The following SUMF2 variants were observed in gnomAD, a reference collection of about 807,000 sequenced individuals.
SUMF2 encodes the protein inactive C-alpha-formylglycine-generating enzyme 2.
A neutral mutation model predicts 44.8 loss-of-function variants in SUMF2; 45 were observed. The observed-to-expected ratio is 1.00, with a 90% CI of 0.79 to 1.29. The LOEUF (loss-of-function observed/expected upper bound fraction) is 1.29. Ranked by LOEUF, SUMF2 falls within the 50% of genes most tolerant of loss-of-function variation. The pLI is 0.00. For synonymous variants in SUMF2, 148 were observed against 150.4 expected (o/e 0.98, Z 0.12); for missense variants, 418 against 389.9 (o/e 1.07, Z -0.61).
chr7:56,082,115 T>A, downstream of SUMF2: 2 of 1,611,450 alleles, frequency 1.2e-6, no homozygotes, highest in Non-Finnish European at 1.7e-6. Flanking sequence ...GCCTACTTCC[T>A]CCCTTGCCCA....
the SUMF2 span, chr7:56,086,964 A>C: frequency 1.2e-6 from 2 of 1,610,676 alleles, no homozygotes; most frequent in Non-Finnish European, 1.7e-6. Flanking sequence ...AGTGCTGGGT[A>C]CTTACAGGTC....
downstream of SUMF2, chr7:56,081,506 G>T: frequency 7.7e-7 from 1 of 1,301,982 alleles, no homozygotes; most frequent in Non-Finnish European, 1.1e-6. The surrounding 1 kb of genome is among the most constrained non-coding windows in gnomAD (Gnocchi z 4.6). Context: ...GCCATCACAG[G>T]GCAGCTGGGA....
chr7:56,083,757 C>T (rs1562878527), downstream of SUMF2: 2 of 1,334,636 alleles, frequency 1.5e-6, no homozygotes, highest in Non-Finnish European at 2.1e-6. Flanking sequence ...GTCCCAAGAC[C>T]ACCACTGCCC....
Position 56,068,529 on chromosome 7 carries a change from C to A in SUMF2, c.115C>A (p.Leu39Met), listed in dbSNP as rs1254942277. 1.2e-6 allele frequency: 2 copies of A among 1,613,752 alleles called. No homozygotes were observed. The highest frequency in any genetic ancestry group is 2.7e-5 in the African/African-American group (2 of 74,858). ...SMVQLQGGRF[L>M]MGTNSPDSRD... Reference sequence around the variant, plus strand: ...GGTCCAACTGCAGGGTGGGAGATTCCTGATGGGAACAAATTCTCCAGACAG... The same window carrying A: ...GGTCCAACTGCAGGGTGGGAGATTCATGATGGGAACAAATTCTCCAGACAG... Residue 39 changes from leucine (L) to methionine (M), a missense_variant, in exon 2 of 9, where the codon CTG becomes ATG. Coordinates refer to ENST00000434526, the MANE Select transcript of SUMF2 (RefSeq NM_015411.4).
the SUMF2 span, chr7:56,086,895 C>T: frequency 1.8e-6 from 2 of 1,125,222 alleles, no homozygotes; most frequent in Admixed American, 1.7e-5. Context: ...GGTCTCCAGG[C>T]AGCCCTGGGG....
intron 1 of SUMF2, among the ~76,000 whole-genome samples, chr7:56,066,918 C>T (rs533545579): frequency 6.6e-6 from 1 of 152,326 alleles, no homozygotes; most frequent in Admixed American, 6.5e-5. Flanking sequence ...TCGCACCTGG[C>T]CAGTCCTTTT....
At chr7:56,064,518 G>A in intron 1 of SUMF2, 140 bp downstream of exon 1, 2 of 1,231,426 alleles carry the variant, frequency 1.6e-6, no homozygotes, top group Non-Finnish European at 2.2e-6. Flanking sequence ...CTCTCGGTGC[G>A]CGTGGCGCCT....
chr7:56,069,504 C>CAT (rs1275617557), intron 2 of SUMF2, among the ~76,000 whole-genome samples: 1 of 151,804 alleles, frequency 6.6e-6, no homozygotes, highest in Non-Finnish European at 1.5e-5. Flanking sequence ...TATATAAATA[C>CAT]ATATATATAA....
At chr7:56,069,947 T>A (rs911922290) in intron 2 of SUMF2, among the ~76,000 whole-genome samples, 3 of 152,122 alleles carry the variant, frequency 2.0e-5, no homozygotes, top group African/African-American at 7.2e-5. Context: ...TTCCTCTTGT[T>A]GCCTAGGCTG....
Position 56,080,065 on chromosome 7 carries a change from C to A in SUMF2, c.*453C>A, listed in dbSNP as rs1380440355. ...GGAAGGAGAATGCTTTCTTTGTGGCCTCATCTGTGGTTTCGTGTCCCTCTG... is the reference window on the plus strand; with the variant it reads ...GGAAGGAGAATGCTTTCTTTGTGGCATCATCTGTGGTTTCGTGTCCCTCTG... On this transcript the variant is annotated 3_prime_UTR_variant, in exon 9 of 9. Transcript: ENST00000434526. 4 of 608,620 alleles carry A rather than the reference C, an allele frequency of 6.6e-6. No individual in the cohort carries two copies. The highest frequency in any genetic ancestry group is 1.9e-5 in the African/African-American group (1 of 54,020). 37.7% of individuals were successfully genotyped at this position (608,620 alleles called of 1,614,324 possible).
intron 1 of SUMF2, 71 bp from the exon 2 acceptor site, chr7:56,068,411 T>G: frequency 7.1e-6 from 10 of 1,405,854 alleles, no homozygotes; most frequent in Non-Finnish European, 9.6e-6. Flanking sequence ...GAGTATTGCA[T>G]ATGATCCAAA....
intron 1 of SUMF2, among the ~76,000 whole-genome samples, chr7:56,064,586 AAG>A (rs981513967): frequency 6.6e-6 from 1 of 152,120 alleles, no homozygotes; most frequent in African/African-American, 2.4e-5. Context: ...AAAAAAGGGA[AAG>A]AGAGGCCGGG....
Position 56,073,087 on chromosome 7 carries a change from A to T in SUMF2, c.315A>T (p.Arg105Ser). The T allele has an allele frequency of 1.2e-6, 2 of 1,614,084 alleles. No homozygotes were observed. The highest frequency in any genetic ancestry group is 2.2e-5 in the South Asian group (2 of 91,080). Reference protein sequence around the residue: ...VFEDFVSDELRNKATQPMKSV... With the variant: ...VFEDFVSDELSNKATQPMKSV... The stretch of plus-strand genomic sequence containing the variant: ...AGGACTTTGTCTCTGATGAGCTGAG[A>T]AACAAAGCCACCCAGCCAATGAAGG... The change falls in exon 3 of 9, where the codon AGA becomes AGT. Residue 105 changes from arginine (R) to serine (S), a missense_variant. Arg to Ser is a moderately radical substitution (Grantham distance 110). Coordinates refer to ENST00000434526, the MANE Select transcript of SUMF2 (RefSeq NM_015411.4).
chr7:56,074,679 G>A lies in SUMF2; in HGVS notation c.478G>A (p.Gly160Arg), dbSNP rs1375145159. 7 of 1,614,050 alleles carry A rather than the reference G, an allele frequency of 4.3e-6. No homozygotes were observed. The highest frequency in any genetic ancestry group is 1.3e-5 in the African/African-American group (1 of 74,924). Reference sequence around the variant, plus strand: ...CGCCCGTGCCTACTGTGCTTGGCGGGGAAAACGACTGCCCACGGAGGAAGA... The same window carrying A: ...CGCCCGTGCCTACTGTGCTTGGCGGAGAAAACGACTGCCCACGGAGGAAGA... ...NDARAYCAWR[G>R]KRLPTEEEWE... The change falls in exon 5 of 9, where the codon GGA (glycine) becomes AGA (arginine). Residue 160 changes from glycine to arginine, a missense_variant. Transcript: ENST00000434526.
intron 3 of SUMF2, chr7:56,073,948 G>C: frequency 1.7e-6 from 1 of 577,352 alleles, no homozygotes. Flanking sequence ...CCAGGAGGTT[G>C]AGACTGCAGT....
In SUMF2 at chr7:56,079,548, C is replaced by A; in HGVS notation, c.842C>A (p.Ser281Ter). Residue 281 changes from serine (S) to a stop codon, truncating the protein, a stop_gained, in exon 9 of 9, where the codon TCA becomes TAA. Transcript: ENST00000434526. LOFTEE classifies it high-confidence loss of function. ...VTTRMGNTPD[S>*]ASDNLGFRCA... is the part of the protein sequence containing the mutation. ...GGCAGGATGGGCAACACTCCAGATT[C>A]AGCCTCAGACAACCTCGGTTTCCGC... The A allele has an allele frequency of 6.2e-7, 1 of 1,613,570 alleles. No homozygotes were observed. The highest frequency in any genetic ancestry group is 8.5e-7 in the Non-Finnish European group (1 of 1,179,566).
downstream of SUMF2, chr7:56,081,929 G>C (rs529818565): frequency 2.5e-6 from 4 of 1,613,734 alleles, no homozygotes; most frequent in South Asian, 4.4e-5. This position sits in a 1 kb window ranked among gnomAD's most constrained non-coding sequence, Gnocchi z 4.6. Flanking sequence ...CATCCCACTC[G>C]GGCGAGCCAA....
intron 1 of SUMF2, 35 bp from the exon 2 acceptor site, chr7:56,068,447 C>T (rs1465865156): frequency 1.9e-6 from 3 of 1,570,386 alleles, no homozygotes; most frequent in Admixed American, 1.9e-5. Flanking sequence ...TATATATATG[C>T]ATGTATTACT....
chr7:56,077,036 A>C (rs1277410737), intron 6 of SUMF2, 147 bp downstream of exon 6: 1 of 571,838 alleles, frequency 1.7e-6, no homozygotes, highest in African/African-American at 2.0e-5. Flanking sequence ...ACAATGGGTC[A>C]TAAGTGCTTT....
Sources: gnomAD v4.1 joint callset for allele counts (sites outside exome capture counted in the v4.1 genomes callset) on GRCh38, gnomAD v4.1.1 for gene constraint, Gnocchi (gnomAD v3.1) non-coding constraint, MANE v1.5 for transcripts, NCBI Gene and HGNC (gene_info 2026-07-23, HGNC 2026-07-21) for gene names.